The following ALDH3A2 variants were observed in gnomAD, a reference collection of about 807,000 sequenced individuals.
ALDH3A2 encodes aldehyde dehydrogenase 3 family member A2.
ALDH3A2 carries 36 observed loss-of-function variants against 51.3 expected under a neutral mutation model. The ratio of observed to expected loss-of-function variants is 0.70; its 90% CI spans 0.54 to 0.93. ALDH3A2 has a LOEUF of 0.93. Among genes scored for constraint, ALDH3A2 ranks in the 40% least tolerant of loss-of-function variants. The pLI is 0.00. For missense variants in ALDH3A2, 552 were observed against 603.1 expected (o/e 0.92, Z 0.89); for synonymous variants, 199 against 219.8 (o/e 0.91, Z 0.84).
Position 19,666,081 on chromosome 17 carries a change from A to G in ALDH3A2, c.1207+1034A>G, listed in dbSNP as rs536780154. Among the ~76,000 whole-genome samples the G allele has an allele frequency of 5.3e-5, 8 of 152,186 alleles. 1 individual carries two copies. The highest frequency in any genetic ancestry group is 1.9e-4 in the African/African-American group (8 of 41,528). ...GGCGGGAAGAGGCCAATTGGTAGGT[A>G]TTGCCAGATCCAAATTGGAAATGGT... On this transcript the variant is annotated intron_variant, in intron 8 of 9. Coordinates refer to ENST00000176643, the MANE Select transcript of ALDH3A2 (RefSeq NM_000382.3).
rs527636889 is a variant in ALDH3A2, at chr17:19,672,203, A to G, written c.1443+247A>G. The G allele has an allele frequency of 1.3e-5, 7 of 559,894 alleles. No homozygotes were observed. The South Asian group carries it at 1.5e-4, about 12-fold the overall frequency. The allele number at this position is 559,894 out of a possible 1,614,324, so 34.7% of individuals were successfully genotyped here. A position where few individuals can be genotyped will look rare whatever the true frequency, so the allele number is the denominator to read the frequency against. On this transcript the variant is annotated intron_variant, in intron 9 of 9. Transcript: ENST00000176643. ...AGCTGAGTAGTTGCAACAGAGGCTGAATGGCCCTCAGAGCCTAAATTATTA... is the reference window on the plus strand; with the variant it reads ...AGCTGAGTAGTTGCAACAGAGGCTGGATGGCCCTCAGAGCCTAAATTATTA...
chr17:19,651,422 C>A, intron 1 of ALDH3A2, 125 bp from the exon 2 acceptor site: 1 of 820,308 alleles, frequency 1.2e-6, no homozygotes, highest in Non-Finnish European at 2.1e-6. Flanking sequence ...GTCTGAATGG[C>A]AAACAGCTAG....
Position 19,649,063 on chromosome 17 carries a change from G to A in ALDH3A2, c.92G>A (p.Arg31Gln). 1.9e-6 allele frequency: 3 copies of A among 1,584,664 alleles called. No homozygotes were observed. Among genetic ancestry groups the A allele is most frequent in the Non-Finnish European group, 2.6e-6 (3 of 1,165,950 alleles). The change falls in exon 1 of 10, where the codon CGG (arginine) becomes CAG (glutamine). Residue 31 changes from arginine (R) to glutamine (Q), a missense_variant. Coordinates refer to ENST00000176643, the MANE Select transcript of ALDH3A2 (RefSeq NM_000382.3). ...CGGCTGCAGCAGCTGGAGGCCCTGC[G>A]GAGGATGGTGCAGGAGCGCGAGAAG... ...RFRLQQLEAL[R>Q]RMVQEREKDI...
At chr17:19,673,006 A>G (rs1167256491) in intron 9 of ALDH3A2, 2 of 1,067,514 alleles carry the variant, frequency 1.9e-6, no homozygotes, top group African/African-American at 1.6e-5. Context: ...ATGCCACTGC[A>G]CTCCAGCCTG....
At chr17:19,669,694 G>A (rs1398651082) in intron 8 of ALDH3A2, among the ~76,000 whole-genome samples, 1 of 152,068 alleles carries the variant, frequency 6.6e-6, no homozygotes, top group East Asian at 1.9e-4. Flanking sequence ...GAGTACAGTG[G>A]TGCAATCACG....
At chr17:19,663,243 A>AT in intron 6 of ALDH3A2, 90 bp from the exon 7 acceptor site, 1 of 1,469,378 alleles carries the variant, frequency 6.8e-7, no homozygotes, top group Admixed American at 1.7e-5. Context: ...AGGGAAAGGC[A>AT]TGGATAAGTG....
At chr17:19,659,200 C>T (rs2084935988) in intron 5 of ALDH3A2, among the ~76,000 whole-genome samples, 1 of 152,012 alleles carries the variant, frequency 6.6e-6, no homozygotes, top group Non-Finnish European at 1.5e-5. Context: ...TACTGCACTC[C>T]AGCCTGGGTA....
intron 8 of ALDH3A2, among the ~76,000 whole-genome samples, chr17:19,666,503 G>A (rs544040494): frequency 2.0e-5 from 3 of 152,150 alleles, no homozygotes; most frequent in Non-Finnish European, 2.9e-5. Flanking sequence ...AAGGCTGGGC[G>A]CAGTGGCTCA....
chr17:19,664,938 C>G lies in ALDH3A2; in HGVS notation c.1108-10C>G, dbSNP rs762366132. On this transcript the variant is annotated splice_polypyrimidine_tract_variant and intron_variant, in intron 7 of 9. Coordinates refer to ENST00000176643, the MANE Select transcript of ALDH3A2 (RefSeq NM_000382.3). ...CTTCACTGACCTGGACACCTTTGGT[C>G]TGTCCTCAGCTCATCAAACGGATGA... 1.2e-6 allele frequency: 2 copies of G among 1,610,264 alleles called. No homozygotes were observed. Among genetic ancestry groups the G allele is most frequent in the Non-Finnish European group, 1.7e-6 (2 of 1,177,304 alleles).
rs753478682 is a variant in ALDH3A2 at position 19,663,390 on chromosome 17, T to C, written c.998T>C (p.Phe333Ser). 1.2e-6 allele frequency: 2 copies of C among 1,614,088 alleles called. No homozygotes were observed. Among genetic ancestry groups the C allele is most frequent in the Non-Finnish European group, 1.7e-6 (2 of 1,180,040 alleles). ...PKTKVMQEEI[F>S]GPILPIVPVK... ...ACCAAGGTGATGCAAGAAGAAATTT[T>C]TGGACCAATTCTTCCAATAGTGCCT... Residue 333 changes from phenylalanine (F) to serine (S), a missense_variant, in exon 7 of 10, where the codon TTT becomes TCT. Transcript: ENST00000176643.
chr17:19,666,152 G>C (rs1197225884), intron 8 of ALDH3A2, among the ~76,000 whole-genome samples: 1 of 152,080 alleles, frequency 6.6e-6, no homozygotes, highest in Non-Finnish European at 1.5e-5. Context: ...GGAAAGGGAA[G>C]GGGGTATTTT....
Position 19,650,989 on chromosome 17 carries a change from A to T in ALDH3A2, c.154-558A>T, listed in dbSNP as rs117635668. On this transcript the variant is annotated intron_variant, in intron 1 of 9. Coordinates refer to ENST00000176643, the MANE Select transcript of ALDH3A2 (RefSeq NM_000382.3). ...AGATTCCAAAAAGTCTGTGTCATTT[A>T]ATCATACTTGAAGAACTAAATGTTT... Among the ~76,000 whole-genome samples the T allele has an allele frequency of 2.0e-3, 311 of 152,364 alleles. 4 individuals carry two copies. The East Asian group carries it at 0.048, about 23-fold the overall frequency.
intron 7 of ALDH3A2, among the ~76,000 whole-genome samples, 162 bp from the exon 8 acceptor site, chr17:19,664,786 A>C (rs910575945): frequency 6.6e-6 from 1 of 152,180 alleles, no homozygotes; most frequent in Admixed American, 6.5e-5. Context: ...TTGTTTGTCT[A>C]TCTGGCATGG....
At chr17:19,661,691 C>G (rs1207585588) in intron 6 of ALDH3A2, among the ~76,000 whole-genome samples, 1 of 151,972 alleles carries the variant, frequency 6.6e-6, no homozygotes, top group African/African-American at 2.4e-5. Context: ...ATTTGTGTAC[C>G]TTCTTTGTGC....
rs114872380 is a variant in ALDH3A2, at chr17:19,657,586, C to T, written c.681-159C>T. 2,796 of 674,916 alleles carry T rather than the reference C, an allele frequency of 4.1e-3. 57 individuals carry two copies. The African/African-American group carries it at 0.043, about 10-fold the overall frequency. 41.8% of individuals were successfully genotyped at this position (674,916 alleles called of 1,614,324 possible). A position where few individuals can be genotyped will look rare whatever the true frequency, so the allele number is the denominator to read the frequency against. ...TGGAAAATACTTTCTAAGTTCCAAACAACTGATTTAGAAATGAGTTTTTAA... is the reference window on the plus strand; with the variant it reads ...TGGAAAATACTTTCTAAGTTCCAAATAACTGATTTAGAAATGAGTTTTTAA... On this transcript the variant is annotated intron_variant, in intron 4 of 9. Transcript: ENST00000176643.
At chr17:19,672,041 T>A in intron 9 of ALDH3A2, 85 bp downstream of exon 9, 2 of 1,250,000 alleles carry the variant, frequency 1.6e-6, no homozygotes, top group Non-Finnish European at 2.4e-6. Context: ...GACTCTACAT[T>A]AACTTGTAGA....
chr17:19,651,447 T>C (rs1339949095), intron 1 of ALDH3A2, 100 bp from the exon 2 acceptor site: 2 of 988,796 alleles, frequency 2.0e-6, no homozygotes, highest in Non-Finnish European at 3.2e-6. Flanking sequence ...ATAATGCCAG[T>C]TGTTGTCACT....
intron 1 of ALDH3A2, 86 bp from the exon 2 acceptor site, chr17:19,651,461 G>A: frequency 8.9e-7 from 1 of 1,122,132 alleles, no homozygotes; most frequent in Non-Finnish European, 1.4e-6. Flanking sequence ...TGTCACTACA[G>A]GTGTACCTGG....
intron 9 of ALDH3A2, 169 bp from the exon 10 acceptor site, chr17:19,675,389 G>GT (rs2085173909): frequency 1.4e-6 from 1 of 715,946 alleles, no homozygotes; most frequent in African/African-American, 1.8e-5. Context: ...GGCCTAAACC[G>GT]TGCTTCCTAG....
Sources: allele counts gnomAD v4.1 joint callset (sites outside exome capture counted in the v4.1 genomes callset), GRCh38; gene constraint gnomAD v4.1.1; transcripts MANE v1.5; gene names NCBI Gene and HGNC (gene_info 2026-07-23, HGNC 2026-07-21).